Variants in MDGA2 observed in about 807,000 individuals in gnomAD.
MDGA2 encodes the protein MAM domain-containing glycosylphosphatidylinositol anchor protein 2.
A neutral mutation model predicts 117.8 loss-of-function variants in MDGA2; 40 were observed. That is an observed-to-expected ratio of 0.34 (90% CI 0.26 to 0.44). MDGA2 has a LOEUF of 0.44. Among genes scored for constraint, MDGA2 ranks in the 20% least tolerant of loss-of-function variants. The probability of loss-of-function intolerance (pLI) is 1.00; values close to 1 mark genes in which losing one functional copy is unlikely to be tolerated. For synonymous variants in MDGA2, 452 were observed against 439.0 expected (o/e 1.03, Z -0.37); for missense variants, 1,123 against 1,250.6 (o/e 0.90, Z 1.54).
intron 1 of MDGA2, among the ~76,000 whole-genome samples, chr14:47,623,553 A>C (rs1897087393): frequency 6.6e-6 from 1 of 152,228 alleles, no homozygotes. Context: ...GCATGTCTTA[A>C]GTGATCTAAG....
chr14:47,475,828 G>A (rs757737891), intron 1 of MDGA2, among the ~76,000 whole-genome samples: 18 of 152,112 alleles, frequency 1.2e-4, no homozygotes, highest in Non-Finnish European at 1.8e-4. Context: ...GGCCTGTCAG[G>A]GATCGGGGAG....
intron 10 of MDGA2, among the ~76,000 whole-genome samples, chr14:46,903,532 A>C (rs1291621665): frequency 6.6e-6 from 1 of 152,198 alleles, no homozygotes; most frequent in Non-Finnish European, 1.5e-5. Context: ...ACTTCAGAGA[A>C]TGTCATTCTA....
intron 1 of MDGA2, among the ~76,000 whole-genome samples, chr14:47,468,192 T>C (rs1384160525): frequency 6.6e-6 from 1 of 152,164 alleles, no homozygotes; most frequent in Non-Finnish European, 1.5e-5. Context: ...AGTCTTAGGA[T>C]AGCCTCAAAC....
At chr14:47,621,494 A>G (rs1405463165) in intron 1 of MDGA2, among the ~76,000 whole-genome samples, 1 of 151,848 alleles carries the variant, frequency 6.6e-6, no homozygotes, top group Non-Finnish European at 1.5e-5. Flanking sequence ...TTGGCTTCCC[A>G]CTCCTTAATA....
rs115668087 is a variant in MDGA2 at position 47,528,323 on chromosome 14, A to G, written c.280+146194T>C. 7.7e-3 allele frequency among the ~76,000 whole-genome samples: 1,175 copies of G among 152,306 alleles called. 10 individuals carry two copies. The highest frequency in any genetic ancestry group is 0.026 in the African/African-American group (1,100 of 41,562). On this transcript the variant is annotated intron_variant, in intron 1 of 16. Coordinates refer to ENST00000399232, the MANE Select transcript of MDGA2 (RefSeq NM_001113498.3). ...AGCATGATGTTAGCATGCAGAATAAAGCAGTACAAAACAAACTCTGTTCTG... is the reference window on the plus strand; with the variant it reads ...AGCATGATGTTAGCATGCAGAATAAGGCAGTACAAAACAAACTCTGTTCTG...
intron 1 of MDGA2, among the ~76,000 whole-genome samples, chr14:47,373,837 T>C: frequency 6.6e-6 from 1 of 152,178 alleles, no homozygotes; most frequent in Non-Finnish European, 1.5e-5. Context: ...TAATACTCGA[T>C]GTAGCTGAAA....
At chr14:47,538,834 A>G (rs1895277879) in intron 1 of MDGA2, among the ~76,000 whole-genome samples, 1 of 152,178 alleles carries the variant, frequency 6.6e-6, no homozygotes, top group South Asian at 2.1e-4. Context: ...AGTGATACAC[A>G]CGTATGCATA....
intron 1 of MDGA2, among the ~76,000 whole-genome samples, chr14:47,515,264 A>G (rs1208826036): frequency 6.6e-6 from 1 of 152,140 alleles, no homozygotes; most frequent in Non-Finnish European, 1.5e-5. Flanking sequence ...AATATTTAAG[A>G]TGCTTCCCCT....
chr14:47,085,474 G>C (rs917585117), intron 6 of MDGA2, among the ~76,000 whole-genome samples: 1 of 152,090 alleles, frequency 6.6e-6, no homozygotes, highest in Admixed American at 6.6e-5. Flanking sequence ...TCTCACTATA[G>C]ATTACAACAG....
At position 47,286,824 on chromosome 14, in the gene MDGA2, T is replaced by TATATATATACAC. The variant is rs1491236673; in HGVS notation, c.420+14586_420+14587insGTGTATATATAT. Reference sequence around the variant, plus strand: ...ATCATTATATATATATATATATATATACATATATATATGTATATATATATA... The same window carrying TATATATATACAC: ...ATCATTATATATATATATATATATATATATATATACACACATATATATATGTATATATATATA... On this transcript the variant is annotated intron_variant, in intron 2 of 16. Transcript: ENST00000399232. Among the ~76,000 whole-genome samples, 396 of 103,696 alleles carry TATATATATACAC rather than the reference T, an allele frequency of 3.8e-3. 12 individuals are homozygous for TATATATATACAC. The highest frequency in any genetic ancestry group is 0.029 in the East Asian group (101 of 3,438). 68.0% of individuals were successfully genotyped at this position (103,696 alleles called of 152,430 possible). A position where few individuals can be genotyped will look rare whatever the true frequency, so the allele number is the denominator to read the frequency against.
chr14:47,600,740 G>A (rs1373375851), intron 1 of MDGA2, among the ~76,000 whole-genome samples: 1 of 141,144 alleles, frequency 7.1e-6, no homozygotes, highest in African/African-American at 3.2e-5. Context: ...AAAAAAAGTA[G>A]GGAAGAGTGC....
intron 1 of MDGA2, among the ~76,000 whole-genome samples, chr14:47,386,690 T>C (rs2138428804): frequency 6.6e-6 from 1 of 152,254 alleles, no homozygotes; most frequent in South Asian, 2.1e-4. Context: ...TTTGTCAAAC[T>C]AATAATAAAT....
At chr14:47,160,821 G>C (rs111347601) in intron 3 of MDGA2, among the ~76,000 whole-genome samples, 154 of 152,226 alleles carry the variant, frequency 1.0e-3, no homozygotes, top group African/African-American at 3.5e-3. Flanking sequence ...ACCAAATACA[G>C]ATACTTAATC....
chr14:47,577,432 T>C (rs1178745826), intron 1 of MDGA2, among the ~76,000 whole-genome samples: 1 of 151,924 alleles, frequency 6.6e-6, no homozygotes, highest in Non-Finnish European at 1.5e-5. Context: ...AAGCCAAAAC[T>C]GACAAATAGG....
chr14:47,433,595 A>G, intron 1 of MDGA2, among the ~76,000 whole-genome samples: 1 of 152,098 alleles, frequency 6.6e-6, no homozygotes, highest in East Asian at 1.9e-4. Context: ...CATTTGAAAA[A>G]CTATTCACTA....
chr14:46,847,321 C>A (rs1880880450), intron 15 of MDGA2, among the ~76,000 whole-genome samples: 2 of 151,970 alleles, frequency 1.3e-5, no homozygotes, highest in Admixed American at 6.6e-5. Context: ...TTAAGATAAG[C>A]ATGTTCTTAA....
At chr14:47,310,754 A>G (rs1431532943) in intron 1 of MDGA2, among the ~76,000 whole-genome samples, 1 of 152,146 alleles carries the variant, frequency 6.6e-6, no homozygotes, top group Non-Finnish European at 1.5e-5. Flanking sequence ...GTCATAGAGT[A>G]TAAAACAAAC....
At chr14:47,449,806 G>A (rs369026530) in intron 1 of MDGA2, among the ~76,000 whole-genome samples, 6 of 152,058 alleles carry the variant, frequency 3.9e-5, no homozygotes, top group South Asian at 2.1e-4. Context: ...TGGTCAGAAT[G>A]TGCTTTCTTA....
At chr14:46,927,746 A>G (rs1012059826) in intron 9 of MDGA2, among the ~76,000 whole-genome samples, 4 of 152,302 alleles carry the variant, frequency 2.6e-5, no homozygotes, top group Admixed American at 2.0e-4. Context: ...GTAACAGCAA[A>G]TATATTTTTC....
Sources: gnomAD v4.1 joint callset for allele counts (sites outside exome capture counted in the v4.1 genomes callset) on GRCh38, gnomAD v4.1.1 for gene constraint, MANE v1.5 for transcripts, NCBI Gene and HGNC (gene_info 2026-07-23, HGNC 2026-07-21) for gene names.